Variants in AP5Z1 observed in about 807,000 individuals in gnomAD.
The protein encoded by AP5Z1 is AP-5 complex subunit zeta-1.
A neutral mutation model predicts 83.0 loss-of-function variants in AP5Z1; 106 were observed. The observed-to-expected ratio is 1.28, with a 90% confidence interval of 1.09 to 1.50. The LOEUF is 1.50. AP5Z1 is among the 40% of genes most tolerant of loss of function. AP5Z1 has a pLI of 0.00. For missense variants in AP5Z1, 1,565 were observed against 1,094.2 expected (o/e 1.43, Z -6.07); for synonymous variants, 751 against 514.1 (o/e 1.46, Z -6.23).
rs780512257 is a variant in AP5Z1 at position 4,791,116 on chromosome 7, G to C, written c.2155G>C (p.Ala719Pro). Reference protein sequence around the residue: ...ASRSQDLIPRASLLLSKMRTL... With the variant: ...ASRSQDLIPRPSLLLSKMRTL... ...GACGGAGGGACCTTCTTTCCCCAGG[G>C]CCTCTTTATTGCTGTCAAAGATGAG... The change falls in exon 17 of 17, where the codon GCC becomes CCC. Residue 719 changes from alanine (A) to proline (P), a missense_variant and splice_region_variant. Physicochemically the swap from Ala to Pro is conservative, Grantham distance 27. Transcript: ENST00000649063. 3.1e-6 allele frequency: 5 copies of C among 1,587,398 alleles called. No individual in the cohort carries two copies. The highest frequency in any genetic ancestry group is 4.3e-6 in the Non-Finnish European group (5 of 1,165,566).
chr7:4,782,343 CCTCT>C (rs1049305280), intron 3 of AP5Z1, among the ~76,000 whole-genome samples: 12 of 152,276 alleles, frequency 7.9e-5, no homozygotes, highest in South Asian at 6.2e-4. Context: ...GTCCTCCCTC[CCTCT>C]GTGTCGGGAG....
chr7:4,787,906 C>T (rs1000124036), intron 11 of AP5Z1, 130 bp downstream of exon 11: 14 of 1,253,906 alleles, frequency 1.1e-5, no homozygotes, highest in African/African-American at 7.5e-5. Context: ...CCTGACCAGT[C>T]CTCCCCTGCA....
In AP5Z1 at chr7:4,784,253, G is replaced by A. The variant is rs369755844; in HGVS notation, c.672G>A (p.Thr224=). ...GGGCGGTAGCCACAGACTTCTTCAC[G>A]GTGCTCTCCAGCGGCCACCGCTTCA... The part of the protein sequence containing the change: ...VDGAVATDFF[T]VLSSGHRFTD... The change falls in exon 6 of 17, where the codon ACG becomes ACA. Residue 224 remains threonine, a synonymous_variant. Transcript: ENST00000649063. 12 of 1,588,298 alleles carry A rather than the reference G, an allele frequency of 7.6e-6. No homozygotes were observed. The highest frequency in any genetic ancestry group is 5.4e-5 in the African/African-American group (4 of 74,274).
chr7:4,783,453 C>T lies in AP5Z1; in HGVS notation c.504C>T (p.Leu168=). The change falls in exon 4 of 17, where the codon CTC becomes CTT. Residue 168 remains leucine (L), a synonymous_variant. Coordinates refer to ENST00000649063, the MANE Select transcript of AP5Z1 (RefSeq NM_014855.3). The part of the protein sequence containing the change: ...AKVVVLSPGT[L]QEDQATLLSK... The stretch of plus-strand genomic sequence containing the variant: ...TCGTGGTCCTCAGCCCGGGCACCCT[C>T]CAGGAGGGTACGCGGGGCCCCTCCC... 1 of 1,611,868 alleles carries T rather than the reference C, an allele frequency of 6.2e-7. No individual in the cohort carries two copies. The highest frequency in any genetic ancestry group is 8.5e-7 in the Non-Finnish European group (1 of 1,179,288).
intron 7 of AP5Z1, 58 bp from the exon 8 acceptor site, chr7:4,785,357 C>T (rs564020368): frequency 8.2e-6 from 13 of 1,581,088 alleles, no homozygotes; most frequent in Non-Finnish European, 1.0e-5. Flanking sequence ...AAGCTGCCCC[C>T]TCATTGGGCC....
chr7:4,787,263 C>T (rs1383451527), intron 10 of AP5Z1, among the ~76,000 whole-genome samples: 1 of 151,940 alleles, frequency 6.6e-6, no homozygotes, highest in Non-Finnish European at 1.5e-5. Flanking sequence ...GAGGCCAAGG[C>T]AGGAGGATCT....
In AP5Z1 at chr7:4,792,304, CT is replaced by C. The variant is rs374967757; in HGVS notation, c.*921del. 9,026 of 151,104 alleles carry C rather than the reference CT, an allele frequency of 0.06. 351 individuals are homozygous for C. Among genetic ancestry groups the C allele is most frequent in the African/African-American group, 0.1 (4,221 of 40,856 alleles). The allele number at this position is 151,104 out of a possible 1,614,324, so 9.4% of individuals were successfully genotyped here. On this transcript the variant is annotated 3_prime_UTR_variant, in exon 17 of 17. Transcript: ENST00000649063. ...CACGCCCCGCCCCCAGGCTCAAACT[CT>C]TCCCCCTCCCCACTCTGGCTCCGCC... is the stretch of plus-strand genomic sequence containing the variant.
At chr7:4,776,875 C>G (rs965466154) in intron 1 of AP5Z1, among the ~76,000 whole-genome samples, 1 of 152,078 alleles carries the variant, frequency 6.6e-6, no homozygotes, top group Non-Finnish European at 1.5e-5. Flanking sequence ...GAGCCAAGAT[C>G]GCACCACTGG....
Position 4,781,662 on chromosome 7 carries a change from G to C in AP5Z1, c.274G>C (p.Glu92Gln). 6.2e-7 allele frequency: 1 copy of C among 1,605,188 alleles called. No homozygotes were observed. Among genetic ancestry groups the C allele is most frequent in the Non-Finnish European group, 8.5e-7 (1 of 1,173,572 alleles). Residue 92 changes from glutamate (E) to glutamine (Q), a missense_variant, in exon 3 of 17, where the codon GAG becomes CAG. Coordinates refer to ENST00000649063, the MANE Select transcript of AP5Z1 (RefSeq NM_014855.3). ...LQVLCAAILR[E>Q]MSPSDSLSLA... ...GGTGCTTTGCGCCGCCATCCTGCGA[G>C]AGATGTCCCCCTCTGACAGCCTCAG...
rs767910222 is a variant in AP5Z1 at position 4,789,940 on chromosome 7, C to G, written c.1805+11C>G. ...TGCCGGTGTGCACAGGTAGGTCCCT[C>G]CTGCGCTCCTGCCACAGCCCTGGGC... On this transcript the variant is annotated intron_variant, in intron 14 of 16. Transcript: ENST00000649063. The G allele has an allele frequency of 2.6e-6, 4 of 1,521,654 alleles. No homozygotes were observed. The African/African-American group carries it at 4.1e-5, about 16-fold the overall frequency. 94.3% of individuals were successfully genotyped at this position (1,521,654 alleles called of 1,614,324 possible).
chr7:4,789,522 G>C (rs1344219437), intron 13 of AP5Z1, among the ~76,000 whole-genome samples: 5 of 152,258 alleles, frequency 3.3e-5, no homozygotes, highest in Admixed American at 6.5e-5. Flanking sequence ...CCGGCAGGGG[G>C]CTGGGCGTTG....
At chr7:4,789,762 G>A in intron 13 of AP5Z1, 70 bp from the exon 14 acceptor site, 1 of 1,282,232 alleles carries the variant, frequency 7.8e-7, no homozygotes, top group Non-Finnish European at 1.1e-6. Context: ...CCCTCACCAT[G>A]GCTTCACCCC....
In AP5Z1 at chr7:4,791,155, A is replaced by T. The variant is rs201934980; in HGVS notation, c.2194A>T (p.Ser732Cys). The change falls in exon 17 of 17, where the codon AGT (serine) becomes TGT (cysteine). Residue 732 changes from serine to cysteine, a missense_variant. Ser to Cys is a moderately radical substitution (Grantham distance 112). Coordinates refer to ENST00000649063, the MANE Select transcript of AP5Z1 (RefSeq NM_014855.3). ...LLSKMRTLAH[S>C]PATSSTHSEE... ...GTCAAAGATGAGGACCCTGGCTCAC[A>T]GTCCAGCCACCAGCTCCACGCACAG... is the stretch of plus-strand genomic sequence containing the variant. The T allele has an allele frequency of 4.3e-6, 7 of 1,609,630 alleles. No individual in the cohort carries two copies. In the South Asian group the frequency reaches 4.4e-5, roughly 10 times the overall value.
rs1472739343 is a variant in AP5Z1 at position 4,793,953 on chromosome 7, C to T, written c.*2568C>T. ...CACTGGGTGAAAGCCAGCTGGGCTC[C>T]TGAGTCTGGTGGGGACTTGGAGAAC... is the stretch of plus-strand genomic sequence containing the variant. On this transcript the variant is annotated 3_prime_UTR_variant, in exon 17 of 17. Transcript: ENST00000649063. 1 of 152,492 alleles carries T rather than the reference C, an allele frequency of 6.6e-6. No individual in the cohort carries two copies. Among genetic ancestry groups the T allele is most frequent in the East Asian group, 1.9e-4 (1 of 5,200 alleles). 9.4% of individuals were successfully genotyped at this position (152,492 alleles called of 1,614,324 possible).
intron 12 of AP5Z1, 173 bp downstream of exon 12, chr7:4,788,467 G>C (rs908616619): frequency 2.4e-6 from 2 of 834,514 alleles, no homozygotes; most frequent in Non-Finnish European, 1.7e-6. Context: ...CCACGGGTCT[G>C]CCGGGGGCGG....
intron 9 of AP5Z1, 33 bp downstream of exon 9, chr7:4,785,717 G>T: frequency 1.4e-6 from 2 of 1,441,990 alleles, no homozygotes; most frequent in Non-Finnish European, 9.1e-7. Context: ...CTGACTCGGG[G>T]CTCTGCTTCT....
chr7:4,778,660 T>A (rs6979798), intron 1 of AP5Z1, among the ~76,000 whole-genome samples: 15,264 of 151,440 alleles, frequency 0.1, 1,372 homozygotes, highest in African/African-American at 0.24. Context: ...GAAGGGAATT[T>A]AATCGGGATG....
intron 4 of AP5Z1, 83 bp downstream of exon 4, chr7:4,783,543 T>TGG: frequency 1.5e-6 from 2 of 1,331,220 alleles, no homozygotes; most frequent in Non-Finnish European, 2.1e-6. Flanking sequence ...GTTGGGAGTG[T>TGG]GGGGGGCAGG....
intron 1 of AP5Z1, among the ~76,000 whole-genome samples, chr7:4,776,926 A>G (rs1781244987): frequency 6.6e-6 from 1 of 151,990 alleles, no homozygotes; most frequent in Admixed American, 6.6e-5. Context: ...ATGTCAAAAC[A>G]AACAAGCAAA....
Sources: allele counts gnomAD v4.1 joint callset (sites outside exome capture counted in the v4.1 genomes callset), GRCh38; gene constraint gnomAD v4.1.1; transcripts MANE v1.5; gene names NCBI Gene and HGNC (gene_info 2026-07-23, HGNC 2026-07-21).